Variants in EHBP1 observed in about 807,000 individuals in gnomAD.
EHBP1 encodes the protein EH domain binding protein 1, also known as EH domain-binding protein 1.
Under a neutral mutation model 144.0 loss-of-function variants are expected in EHBP1, and 55 were observed. The ratio of observed to expected loss-of-function variants is 0.38; its 90% confidence interval spans 0.31 to 0.48. The LOEUF (loss-of-function observed/expected upper bound fraction) is 0.48. EHBP1 is among the 20% of genes least tolerant of loss of function. EHBP1 has a pLI of 0.98. For missense variants in EHBP1, 1,200 were observed against 1,364.2 expected (o/e 0.88, Z 1.90); for synonymous variants, 469 against 472.7 (o/e 0.99, Z 0.10).
At chr2:62,674,182 C>T in intron 1 of EHBP1, 2 of 470,460 alleles carry the variant, frequency 4.3e-6, no homozygotes, top group South Asian at 3.1e-5. Flanking sequence ...CCTTGATAAC[C>T]TAGATTTTCA....
At position 62,933,615 on chromosome 2, in the gene EHBP1, A is replaced by G. The variant is rs2153046979; in HGVS notation, c.1186-9103A>G. 2.0e-5 allele frequency among the ~76,000 whole-genome samples: 3 copies of G among 152,342 alleles called. No homozygotes were observed. The South Asian group carries it at 6.2e-4, about 32-fold the overall frequency. Reference sequence around the variant, plus strand: ...ATGTTGTCACATTTGATTACACAATATTGAAAAATAACATTTGTTAATATA... The same window carrying G: ...ATGTTGTCACATTTGATTACACAATGTTGAAAAATAACATTTGTTAATATA... On this transcript the variant is annotated intron_variant, in intron 10 of 22. Coordinates refer to ENST00000431489, the MANE Select transcript of EHBP1 (RefSeq NM_001142616.3).
intron 16 of EHBP1, among the ~76,000 whole-genome samples, chr2:62,992,501 T>C (rs2153223715): frequency 6.6e-6 from 1 of 152,332 alleles, no homozygotes; most frequent in East Asian, 1.9e-4. Context: ...TGCCTTTGTA[T>C]GATTCCTTTT....
chr2:62,915,282 A>G (rs1425374810), intron 10 of EHBP1, among the ~76,000 whole-genome samples: 1 of 152,120 alleles, frequency 6.6e-6, no homozygotes, highest in Non-Finnish European at 1.5e-5. Context: ...TTAAATGTAT[A>G]CCAGAAGAAG....
At chr2:62,688,191 A>G (rs1026176483) in intron 1 of EHBP1, among the ~76,000 whole-genome samples, 2 of 152,222 alleles carry the variant, frequency 1.3e-5, no homozygotes, top group African/African-American at 2.4e-5. Flanking sequence ...GGATATTTCC[A>G]ATAGCATGAG....
intron 9 of EHBP1, among the ~76,000 whole-genome samples, chr2:62,869,367 T>C (rs2071291575): frequency 6.6e-6 from 1 of 152,198 alleles, no homozygotes. Flanking sequence ...TTATTGATTA[T>C]AATAACAAAA....
At chr2:62,882,065 A>C (rs1221834960) in intron 10 of EHBP1, among the ~76,000 whole-genome samples, 1 of 152,186 alleles carries the variant, frequency 6.6e-6, no homozygotes, top group Non-Finnish European at 1.5e-5. Flanking sequence ...AGGACATTGA[A>C]GTTCAGTAGT....
intron 19 of EHBP1, among the ~76,000 whole-genome samples, chr2:63,023,897 TAG>T (rs2060861623): frequency 6.6e-6 from 1 of 152,202 alleles, no homozygotes; most frequent in African/African-American, 2.4e-5. Context: ...TTTAAAAAAT[TAG>T]AGATAGTTTT....
At chr2:62,960,026 T>C (rs2153128436) in intron 14 of EHBP1, among the ~76,000 whole-genome samples, 1 of 152,172 alleles carries the variant, frequency 6.6e-6, no homozygotes, top group South Asian at 2.1e-4. Context: ...AAAGTGAGAA[T>C]TTACAGGGGA....
rs2047560579 is a variant in EHBP1, at chr2:62,839,067, A to G, written c.634+7909A>G. Among the ~76,000 whole-genome samples the G allele has an allele frequency of 2.7e-5, 4 of 148,118 alleles. No individual in the cohort carries two copies. In the South Asian group the frequency reaches 6.6e-4, roughly 24 times the overall value. On this transcript the variant is annotated intron_variant, in intron 7 of 22. Coordinates refer to ENST00000431489, the MANE Select transcript of EHBP1 (RefSeq NM_001142616.3). ...AGAGAATTTTAGACCAATATCCTTG[A>G]TGAACATTGATGCAAAAATCCTCAA...
intron 3 of EHBP1, among the ~76,000 whole-genome samples, chr2:62,749,739 A>G: frequency 6.6e-6 from 1 of 152,088 alleles, no homozygotes; most frequent in Non-Finnish European, 1.5e-5. Context: ...GCCAGTGATG[A>G]TGAGCATTTT....
chr2:62,848,872 A>G (rs1049102099), intron 7 of EHBP1, among the ~76,000 whole-genome samples: 1 of 152,220 alleles, frequency 6.6e-6, no homozygotes, highest in African/African-American at 2.4e-5. Context: ...ATTAAATTAT[A>G]CAGTCTAAGA....
At chr2:63,026,328 GT>G in intron 19 of EHBP1, among the ~76,000 whole-genome samples, 1 of 151,318 alleles carries the variant, frequency 6.6e-6, no homozygotes. Flanking sequence ...GTGTGTGTGT[GT>G]GTGTGTGTGT....
intron 5 of EHBP1, among the ~76,000 whole-genome samples, chr2:62,824,130 G>A (rs913072550): frequency 1.3e-5 from 2 of 151,814 alleles, no homozygotes; most frequent in African/African-American, 2.4e-5. Context: ...AATGAAATTG[G>A]CAGAATATGA....
intron 19 of EHBP1, among the ~76,000 whole-genome samples, chr2:62,998,721 A>C (rs1306231627): frequency 6.6e-6 from 1 of 152,168 alleles, no homozygotes; most frequent in Non-Finnish European, 1.5e-5. Context: ...ACAGTCATAG[A>C]ATACAGGTTG....
chr2:62,832,181 GTTTA>G (rs2046863828), intron 7 of EHBP1, among the ~76,000 whole-genome samples: 1 of 152,048 alleles, frequency 6.6e-6, no homozygotes, highest in Admixed American at 6.6e-5. Flanking sequence ...CATGTGCTTT[GTTTA>G]TTTATTTCTA....
chr2:63,022,373 G>A (rs551715482), intron 19 of EHBP1, among the ~76,000 whole-genome samples: 3 of 151,996 alleles, frequency 2.0e-5, no homozygotes, highest in African/African-American at 7.2e-5. Flanking sequence ...GGAGTGCAAT[G>A]GCGCAATCTC....
intron 13 of EHBP1, among the ~76,000 whole-genome samples, chr2:62,953,217 C>CAAA (rs35848429): frequency 1.9e-4 from 12 of 64,454 alleles, no homozygotes; most frequent in South Asian, 7.4e-4. Flanking sequence ...AAGTCCGTCT[C>CAAA]AAAAAAAAAA....
chr2:62,732,758 G>A lies in EHBP1; in HGVS notation c.105-14637G>A, dbSNP rs1200626524. 2.0e-5 allele frequency among the ~76,000 whole-genome samples: 3 copies of A among 152,164 alleles called. No individual in the cohort carries two copies. In the East Asian group the frequency reaches 5.8e-4, roughly 29 times the overall value. On this transcript the variant is annotated intron_variant, in intron 2 of 22. Transcript: ENST00000431489. The stretch of plus-strand genomic sequence containing the variant: ...TACCCAGTTTCAAATATTTATAGCA[G>A]TAGGGAACAGACTAATTCAATACTT...
At chr2:62,852,953 T>G (rs1426822524) in intron 7 of EHBP1, among the ~76,000 whole-genome samples, 1 of 152,206 alleles carries the variant, frequency 6.6e-6, no homozygotes, top group East Asian at 1.9e-4. Context: ...CAAATTGGGA[T>G]TAAAAAGTTC....
Sources: gnomAD v4.1 joint callset for allele counts (sites outside exome capture counted in the v4.1 genomes callset) on GRCh38, gnomAD v4.1.1 for gene constraint, MANE v1.5 for transcripts, NCBI Gene and HGNC (gene_info 2026-07-23, HGNC 2026-07-21) for gene names.